Variants in MAP4 observed in about 807,000 individuals in gnomAD.
The protein encoded by MAP4 is microtubule associated protein 4.
MAP4 carries 76 observed loss-of-function variants against 170.2 expected under a neutral mutation model. The observed-to-expected ratio is 0.45, with a 90% confidence interval of 0.37 to 0.54. The LOEUF is 0.54. Ranked by LOEUF, MAP4 falls within the 20% of genes least tolerant of loss-of-function variation. The pLI, the probability that MAP4 is intolerant of heterozygous loss-of-function variation, is 0.00. For synonymous variants in MAP4, 909 were observed against 994.5 expected (o/e 0.91, Z 1.62); for missense variants, 2,506 against 2,748.0 (o/e 0.91, Z 1.97).
At chr3:47,984,844 C>T (rs1477850020) in intron 2 of MAP4, among the ~76,000 whole-genome samples, 4 of 151,964 alleles carry the variant, frequency 2.6e-5, no homozygotes, top group African/African-American at 9.7e-5. Context: ...TGGCACGCAC[C>T]TGTAATCCCA....
chr3:47,974,078 A>T (rs2100080481), intron 3 of MAP4: 1 of 985,280 alleles, frequency 1.0e-6, no homozygotes, highest in South Asian at 4.7e-5. Flanking sequence ...TTAAACTTTC[A>T]TGATATTCTA....
At chr3:47,893,618 G>C (rs1023803647) in intron 10 of MAP4, among the ~76,000 whole-genome samples, 4 of 152,176 alleles carry the variant, frequency 2.6e-5, no homozygotes, top group Non-Finnish European at 5.9e-5. Context: ...TATAAGGACA[G>C]GCTATACTCT....
At position 47,917,086 on chromosome 3, in the gene MAP4, A is replaced by T; in HGVS notation, c.741T>A (p.Thr247=). 6.2e-7 allele frequency: 1 copy of T among 1,614,196 alleles called. No homozygotes were observed. Among genetic ancestry groups the T allele is most frequent in the South Asian group, 1.1e-5 (1 of 91,086 alleles). ...QALEIMMGLK[T]TDMAPSKETE... The stretch of plus-strand genomic sequence containing the variant: ...TTTCTTTAGATGGTGCCATGTCAGT[A>T]GTCTTCAGTCCCATCATTATTTCCA... Residue 247 remains threonine, a synonymous_variant, in exon 7 of 21, where the codon ACT becomes ACA. Coordinates refer to ENST00000683076, the MANE Select transcript of MAP4 (RefSeq NM_001385682.1).
intron 3 of MAP4, among the ~76,000 whole-genome samples, chr3:47,940,515 C>G (rs1008471326): frequency 6.6e-6 from 1 of 152,158 alleles, no homozygotes; most frequent in Admixed American, 6.6e-5. Flanking sequence ...CACTGGCCAT[C>G]CCTAGAGACT....
upstream of MAP4, among the ~76,000 whole-genome samples, chr3:48,017,517 C>T (rs1388539751): frequency 6.8e-6 from 1 of 147,314 alleles, no homozygotes; most frequent in African/African-American, 2.5e-5. Context: ...CAAACTCTTA[C>T]GTGTAATATC....
chr3:47,978,729 C>T (rs930074547), intron 2 of MAP4, among the ~76,000 whole-genome samples: 5 of 149,838 alleles, frequency 3.3e-5, no homozygotes, highest in South Asian at 2.1e-4. Context: ...AAGCAGAGGA[C>T]TCCTTTTTTT....
chr3:47,914,753 C>T lies in MAP4; in HGVS notation c.1999+64G>A, dbSNP rs2100037701. ...TACAACAGGGAACTAGAGACAATGT[C>T]TACCATCACTACTCTATCGCCCCTA... On this transcript the variant is annotated intron_variant, in intron 8 of 20. Transcript: ENST00000683076. 4 of 1,592,756 alleles carry T rather than the reference C, an allele frequency of 2.5e-6. No individual in the cohort carries two copies. The South Asian group carries it at 4.4e-5, about 18-fold the overall frequency.
intron 4 of MAP4, among the ~76,000 whole-genome samples, chr3:47,925,904 G>A (rs2100045614): frequency 6.6e-6 from 1 of 152,208 alleles, no homozygotes; most frequent in Non-Finnish European, 1.5e-5. Context: ...GCCCAAGCTG[G>A]AGTACAATGG....
intron 2 of MAP4, among the ~76,000 whole-genome samples, chr3:47,997,577 TAAGTA>T (rs1210439661): frequency 6.6e-6 from 1 of 150,894 alleles, no homozygotes; most frequent in Non-Finnish European, 1.5e-5. Flanking sequence ...TAAATCAACT[TAAGTA>T]AACAGAAGAA....
intron 1 of MAP4, among the ~76,000 whole-genome samples, chr3:48,081,225 G>C (rs192030629): frequency 0.01 from 1,531 of 152,178 alleles, 10 homozygotes; most frequent in Non-Finnish European, 0.016. Context: ...CGGAGGCGCA[G>C]CTTGCAGTGA....
At chr3:48,067,657 CCAGA>C (rs985845659) in intron 1 of MAP4, among the ~76,000 whole-genome samples, 12 of 150,712 alleles carry the variant, frequency 8.0e-5, no homozygotes, top group Admixed American at 6.6e-4. Context: ...TTTTAAATCC[CCAGA>C]CAGAGTCTCA....
intron 1 of MAP4, among the ~76,000 whole-genome samples, chr3:48,084,135 G>A (rs1219907399): frequency 9.9e-5 from 15 of 151,222 alleles, no homozygotes; most frequent in Admixed American, 9.9e-4. Flanking sequence ...GCTTGAACCC[G>A]GGAGGTGGAG....
At chr3:47,863,511 C>T (rs1042876406) in intron 17 of MAP4, among the ~76,000 whole-genome samples, 2 of 152,052 alleles carry the variant, frequency 1.3e-5, no homozygotes, top group African/African-American at 4.8e-5. Flanking sequence ...GCAGAAGCCA[C>T]GCTGGCTCTC....
chr3:47,968,614 T>C (rs900670756), intron 3 of MAP4, among the ~76,000 whole-genome samples: 1 of 151,994 alleles, frequency 6.6e-6, no homozygotes, highest in African/African-American at 2.4e-5. Flanking sequence ...TTTATAGCCA[T>C]AAACACCTAT....
At chr3:48,044,663 T>A (rs1341646345) in intron 1 of MAP4, among the ~76,000 whole-genome samples, 1 of 152,048 alleles carries the variant, frequency 6.6e-6, no homozygotes, top group African/African-American at 2.4e-5. Flanking sequence ...CTTGGGAGGC[T>A]GAGGCAGGAG....
intron 10 of MAP4, among the ~76,000 whole-genome samples, chr3:47,886,831 A>G (rs902483691): frequency 2.0e-5 from 3 of 152,154 alleles, no homozygotes; most frequent in Admixed American, 6.5e-5. Context: ...TTCACCTGTT[A>G]TATTTCCCCT....
chr3:47,975,909 C>T (rs1263091674), intron 3 of MAP4, among the ~76,000 whole-genome samples: 1 of 151,902 alleles, frequency 6.6e-6, no homozygotes, highest in Non-Finnish European at 1.5e-5. Context: ...TCTGCCTCAG[C>T]CTCCCAAGTA....
At chr3:48,003,347 G>A (rs1383691836) in intron 1 of MAP4, among the ~76,000 whole-genome samples, 3 of 151,208 alleles carry the variant, frequency 2.0e-5, no homozygotes, top group Admixed American at 6.6e-5. Context: ...CCAGCTGCTC[G>A]GGAGGCTGAG....
chr3:48,038,696 G>A (rs1396800065), intron 1 of MAP4, among the ~76,000 whole-genome samples: 5 of 152,094 alleles, frequency 3.3e-5, no homozygotes, highest in South Asian at 2.1e-4. Flanking sequence ...TCCTGACCTC[G>A]TGATCCGCCC....
Sources: allele counts gnomAD v4.1 joint callset (sites outside exome capture counted in the v4.1 genomes callset), GRCh38; gene constraint gnomAD v4.1.1; transcripts MANE v1.5; gene names NCBI Gene and HGNC (gene_info 2026-07-23, HGNC 2026-07-21).